Variants in CCDC148 observed in about 807,000 individuals in gnomAD.
CCDC148 encodes the protein coiled-coil domain-containing protein 148.
In CCDC148, 89 loss-of-function variants were observed where a neutral mutation model predicts 85.7. That is an observed-to-expected ratio of 1.04 (90% CI 0.87 to 1.24). The LOEUF (loss-of-function observed/expected upper bound fraction) is 1.24, where lower values mean the gene tolerates loss of function less well. Among genes scored for constraint, CCDC148 ranks in the 50% most tolerant of loss-of-function variants. CCDC148 has a pLI of 0.00. For missense variants in CCDC148, 692 were observed against 671.7 expected (o/e 1.03, Z -0.33); for synonymous variants, 230 against 213.9 (o/e 1.08, Z -0.66).
At chr2:158,217,376 A>G (rs28613403) in intron 11 of CCDC148, among the ~76,000 whole-genome samples, 1,901 of 82,986 alleles carry the variant, frequency 0.023, 32 homozygotes, top group African/African-American at 0.053. Flanking sequence ...GTGTGTGTGT[A>G]TATATATATA....
rs1276259454 is a variant in CCDC148, at chr2:158,211,271, C to A, written c.1370+9324G>T. On this transcript the variant is annotated intron_variant, in intron 11 of 13. Coordinates refer to ENST00000283233, the MANE Select transcript of CCDC148 (RefSeq NM_138803.4). ...ACTAGTTATGTACCAAAATAAAAGT[C>A]TGTGTTACTGAAGAGGAGAATTTGA... Among the ~76,000 whole-genome samples, 3 of 152,210 alleles carry A rather than the reference C, an allele frequency of 2.0e-5. 1 individual carries two copies. In the South Asian group the frequency reaches 6.2e-4, roughly 32 times the overall value.
intron 1 of CCDC148, among the ~76,000 whole-genome samples, chr2:158,397,908 T>C (rs1009964694): frequency 6.6e-6 from 1 of 152,194 alleles, no homozygotes; most frequent in South Asian, 2.1e-4. Flanking sequence ...AAGACACACA[T>C]AGGCTCAAAA....
chr2:158,280,543 A>G (rs1574535788), intron 9 of CCDC148, among the ~76,000 whole-genome samples: 1 of 152,368 alleles, frequency 6.6e-6, no homozygotes, highest in African/African-American at 2.4e-5. Flanking sequence ...CCAATACATA[A>G]TGGTAAAGGG....
intron 1 of CCDC148, among the ~76,000 whole-genome samples, chr2:158,416,423 T>C (rs1408315157): frequency 2.0e-5 from 3 of 152,224 alleles, no homozygotes; most frequent in Non-Finnish European, 2.9e-5. Flanking sequence ...CATATCCTGT[T>C]AGAAGAAGCC....
chr2:158,244,930 ATTC>A (rs1348874990), intron 10 of CCDC148, among the ~76,000 whole-genome samples: 2 of 152,216 alleles, frequency 1.3e-5, no homozygotes, highest in Admixed American at 1.3e-4. Context: ...TTAAAAAATC[ATTC>A]TTCTGTGCTC....
chr2:158,238,461 C>T (rs1460066596), intron 10 of CCDC148, among the ~76,000 whole-genome samples: 2 of 152,084 alleles, frequency 1.3e-5, no homozygotes, highest in Admixed American at 1.3e-4. Context: ...ACACCAAAAT[C>T]ATTACATTTT....
chr2:158,253,367 A>T (rs1688876853), intron 9 of CCDC148, among the ~76,000 whole-genome samples: 1 of 151,576 alleles, frequency 6.6e-6, no homozygotes, highest in Admixed American at 6.6e-5. Flanking sequence ...GGCCATTCCT[A>T]TTCTTAGCTC....
At chr2:158,406,491 CT>C (rs1285211882) in intron 1 of CCDC148, among the ~76,000 whole-genome samples, 1 of 151,866 alleles carries the variant, frequency 6.6e-6, no homozygotes, top group Non-Finnish European at 1.5e-5. Context: ...GAGGCTGGCC[CT>C]TTTGTTCTCT....
intron 7 of CCDC148, among the ~76,000 whole-genome samples, chr2:158,330,448 G>A (rs1378054087): frequency 6.6e-6 from 1 of 152,106 alleles, no homozygotes. Context: ...ATGTTTATCA[G>A]CGATATTGGT....
intron 1 of CCDC148, among the ~76,000 whole-genome samples, chr2:158,426,448 G>A (rs1468937548): frequency 2.0e-5 from 3 of 152,150 alleles, no homozygotes; most frequent in African/African-American, 7.2e-5. Flanking sequence ...TCAGATGTAG[G>A]AAGGAATAGT....
chr2:158,225,377 T>G (rs1288184128), intron 10 of CCDC148, among the ~76,000 whole-genome samples: 1 of 152,040 alleles, frequency 6.6e-6, no homozygotes, highest in Non-Finnish European at 1.5e-5. Flanking sequence ...CACTCCACTG[T>G]CAACATTAGA....
At chr2:158,242,911 A>C (rs932085348) in intron 10 of CCDC148, among the ~76,000 whole-genome samples, 2 of 151,914 alleles carry the variant, frequency 1.3e-5, no homozygotes, top group Non-Finnish European at 2.9e-5. Context: ...TACTCTTCTT[A>C]GGGGGAATGC....
chr2:158,440,912 G>A (rs933571937), intron 1 of CCDC148, among the ~76,000 whole-genome samples: 5 of 152,056 alleles, frequency 3.3e-5, no homozygotes, highest in African/African-American at 1.2e-4. Flanking sequence ...CAGGCATAGT[G>A]GTGCACACCT....
At chr2:158,239,078 A>G (rs1688235482) in intron 10 of CCDC148, among the ~76,000 whole-genome samples, 1 of 152,206 alleles carries the variant, frequency 6.6e-6, no homozygotes, top group South Asian at 2.1e-4. Flanking sequence ...TAAGAAGATT[A>G]AATGAACATG....
intron 1 of CCDC148, among the ~76,000 whole-genome samples, chr2:158,365,679 A>T (rs1022056515): frequency 2.6e-5 from 4 of 152,160 alleles, no homozygotes; most frequent in African/African-American, 9.7e-5. Flanking sequence ...TAGGGAAGGG[A>T]TAGCATTAGG....
intron 1 of CCDC148, among the ~76,000 whole-genome samples, chr2:158,446,165 T>C (rs764312202): frequency 6.6e-6 from 1 of 152,050 alleles, no homozygotes; most frequent in Non-Finnish European, 1.5e-5. Flanking sequence ...CTGGGCAACA[T>C]AGTGAGACCC....
intron 1 of CCDC148, among the ~76,000 whole-genome samples, chr2:158,411,522 C>T (rs879826477): frequency 6.6e-6 from 1 of 151,960 alleles, no homozygotes; most frequent in Admixed American, 6.6e-5. Context: ...TCTAGAATTT[C>T]TGTTTTGTTC....
intron 7 of CCDC148, among the ~76,000 whole-genome samples, chr2:158,326,414 T>C (rs942688598): frequency 6.6e-6 from 1 of 152,206 alleles, no homozygotes; most frequent in African/African-American, 2.4e-5. Flanking sequence ...GTGTATAATA[T>C]ACTTATGTAT....
At chr2:158,451,432 A>C (rs1688400057) in intron 1 of CCDC148, among the ~76,000 whole-genome samples, 1 of 152,174 alleles carries the variant, frequency 6.6e-6, no homozygotes, top group Non-Finnish European at 1.5e-5. Flanking sequence ...AATTGCTGGA[A>C]CTTAAACATC....
Sources: allele counts gnomAD v4.1 joint callset (sites outside exome capture counted in the v4.1 genomes callset), GRCh38; gene constraint gnomAD v4.1.1; transcripts MANE v1.5; gene names NCBI Gene and HGNC (gene_info 2026-07-23, HGNC 2026-07-21).